The following SVEP1 variants were observed in gnomAD, a reference collection of about 807,000 sequenced individuals.
The protein encoded by SVEP1 is sushi, von Willebrand factor type A, EGF and pentraxin domain-containing protein 1.
SVEP1 carries 164 observed loss-of-function variants against 367.3 expected under a neutral mutation model. That is an observed-to-expected ratio of 0.45 (90% CI 0.39 to 0.51). The LOEUF (loss-of-function observed/expected upper bound fraction) is 0.51. Among genes scored for constraint, SVEP1 ranks in the 20% least tolerant of loss-of-function variants. The pLI is 0.00. For synonymous variants in SVEP1, 1,666 were observed against 1,611.6 expected (o/e 1.03, Z -0.81); for missense variants, 4,117 against 4,425.3 (o/e 0.93, Z 1.98).
intron 40 of SVEP1, among the ~76,000 whole-genome samples, chr9:110,393,037 TA>T: frequency 6.6e-6 from 1 of 152,204 alleles, no homozygotes; most frequent in Non-Finnish European, 1.5e-5. Flanking sequence ...ACATGTATAA[TA>T]GCTTGGAGTG....
intron 43 of SVEP1, among the ~76,000 whole-genome samples, chr9:110,381,488 C>G (rs367893282): frequency 1.2e-4 from 18 of 152,114 alleles, no homozygotes; most frequent in African/African-American, 4.1e-4. Context: ...TCAATTTCCA[C>G]GTAGTTGTGT....
rs140625677 is a variant in SVEP1, at chr9:110,370,220, G to A, written c.10601-204C>T. Among the ~76,000 whole-genome samples the A allele has an allele frequency of 3.9e-3, 587 of 151,904 alleles. 6 individuals carry two copies. Among genetic ancestry groups the A allele is most frequent in the African/African-American group, 0.013 (541 of 41,414 alleles). On this transcript the variant is annotated intron_variant, in intron 46 of 47. Coordinates refer to ENST00000374469, the MANE Select transcript of SVEP1 (RefSeq NM_153366.4). ...CACCTCCCTTTTTCCTTCCAAGCTG[G>A]TCAATTTTCACATTTAAGTCCCAGA...
At chr9:110,504,180 G>A (rs377711387) in intron 5 of SVEP1, among the ~76,000 whole-genome samples, 4 of 151,138 alleles carry the variant, frequency 2.6e-5, no homozygotes, top group Admixed American at 1.3e-4. Flanking sequence ...TCAGCCTCCC[G>A]AGTAGCTGGG....
chr9:110,509,776 A>C (rs916910974), intron 5 of SVEP1, among the ~76,000 whole-genome samples: 1 of 152,216 alleles, frequency 6.6e-6, no homozygotes, highest in African/African-American at 2.4e-5. Flanking sequence ...GTATTTGTTA[A>C]CTTCAAGTTT....
chr9:110,433,114 G>A (rs957551506), intron 30 of SVEP1, among the ~76,000 whole-genome samples: 1 of 152,264 alleles, frequency 6.6e-6, no homozygotes, highest in Admixed American at 6.5e-5. Flanking sequence ...CTTCTGCCAT[G>A]AGTAAAATCT....
chr9:110,457,723 A>T (rs538497922), intron 20 of SVEP1, among the ~76,000 whole-genome samples: 6 of 152,330 alleles, frequency 3.9e-5, no homozygotes, highest in African/African-American at 7.2e-5. Flanking sequence ...CAGGATTCTA[A>T]TACACCTCCA....
chr9:110,443,313 A>G (rs1588055647), intron 27 of SVEP1: 1 of 405,414 alleles, frequency 2.5e-6, no homozygotes, highest in Non-Finnish European at 4.3e-6. Context: ...GCTTCTTGGT[A>G]GTCTTAATGT....
At chr9:110,399,671 C>T (rs972293489) in intron 40 of SVEP1, among the ~76,000 whole-genome samples, 1 of 151,908 alleles carries the variant, frequency 6.6e-6, no homozygotes, top group Admixed American at 6.6e-5. Flanking sequence ...GTCGCTGGGA[C>T]TACAGGCACA....
chr9:110,418,794 A>G (rs1828151312), intron 36 of SVEP1, among the ~76,000 whole-genome samples: 1 of 104,240 alleles, frequency 9.6e-6, no homozygotes, highest in Non-Finnish European at 2.1e-5. Flanking sequence ...AAGCCAGAAG[A>G]GAGTGGGGGC....
At chr9:110,565,280 A>T (rs2118875348) in intron 1 of SVEP1, among the ~76,000 whole-genome samples, 1 of 152,354 alleles carries the variant, frequency 6.6e-6, no homozygotes, top group South Asian at 2.1e-4. Context: ...TTCTGCATAT[A>T]CATTTACAAA....
chr9:110,434,492 C>G lies in SVEP1; in HGVS notation c.4903G>C (p.Gly1635Arg), dbSNP rs776603872. 3.7e-6 allele frequency: 6 copies of G among 1,612,880 alleles called. No homozygotes were observed. Among genetic ancestry groups the G allele is most frequent in the Admixed American group, 1.7e-5 (1 of 59,894 alleles). The change falls in exon 30 of 48, where the codon GGA becomes CGA. Residue 1635 changes from glycine to arginine, a missense_variant. Around this residue, in one of 4 missense-constraint regions of SVEP1, gnomAD observed 2,174 missense variants for 2,494.3 expected, o/e 0.87. Coordinates refer to ENST00000374469, the MANE Select transcript of SVEP1 (RefSeq NM_153366.4). ...SIFCSDCPRL[G>R]GSVPHLRTAS... ...GTTCTCAGATGAGGCACTGACCCTC[C>G]TAAGCGTGGGCAATCTGAGGGCAAA...
intron 36 of SVEP1, among the ~76,000 whole-genome samples, chr9:110,423,168 T>TAAAAAAAAAAAAAAAAAAAA: frequency 8.7e-5 from 9 of 103,644 alleles, no homozygotes; most frequent in Admixed American, 2.0e-4. Flanking sequence ...AAAAATAAAG[T>TAAAAAAAAAAAAAAAAAAAA]AAAAAAAAAA....
chr9:110,440,255 T>C (rs1828493331), intron 27 of SVEP1, among the ~76,000 whole-genome samples: 1 of 152,228 alleles, frequency 6.6e-6, no homozygotes, highest in East Asian at 1.9e-4. Context: ...CTTCCTTTTC[T>C]TCTCTTCTAT....
rs200297241 is a variant in SVEP1 at position 110,404,552 on chromosome 9, T to A, written c.9441A>T (p.Arg3147Ser). Reference protein sequence around the residue: ...AHTYESEVKLRCLEGYTMDTD... With the variant: ...AHTYESEVKLSCLEGYTMDTD... Reference sequence around the variant, plus strand: ...TATCCATCGTATAACCTTCCAGACATCTGCAATGGAAATGCAAAAATGAGT... The same window carrying A: ...TATCCATCGTATAACCTTCCAGACAACTGCAATGGAAATGCAAAAATGAGT... The change falls in exon 39 of 48, where the codon AGA (arginine) becomes AGT (serine). Residue 3147 changes from arginine to serine, a missense_variant and splice_region_variant. Arg to Ser is a moderately radical substitution (Grantham distance 110). Coordinates refer to ENST00000374469, the MANE Select transcript of SVEP1 (RefSeq NM_153366.4). 80 of 1,613,792 alleles carry A rather than the reference T, an allele frequency of 5.0e-5. No homozygotes were observed. The East Asian group carries it at 7.6e-4, about 15-fold the overall frequency.
chr9:110,458,023 T>C (rs1828803592), intron 20 of SVEP1: 4 of 416,968 alleles, frequency 9.6e-6, no homozygotes, highest in Non-Finnish European at 1.9e-5. Flanking sequence ...TTAATTTATG[T>C]TTCTTAATTT....
At position 110,434,358 on chromosome 9, in the gene SVEP1, T is replaced by A. The variant is rs187253102; in HGVS notation, c.5037A>T (p.Thr1679=). The change falls in exon 30 of 48, where the codon ACA becomes ACT. Residue 1679 remains threonine (T), a synonymous_variant. Transcript: ENST00000374469. ...CACGTTCACAGTGAGGAAGTGGTTG[T>A]GTCCACTGTCCTTGATTCAGACAGT... is the stretch of plus-strand genomic sequence containing the variant. ...VQYCLNQGQW[T]QPLPHCERIS... 4 of 1,609,744 alleles carry A rather than the reference T, an allele frequency of 2.5e-6. No individual in the cohort carries two copies. In the African/African-American group the frequency reaches 4.0e-5, roughly 16 times the overall value.
intron 44 of SVEP1, among the ~76,000 whole-genome samples, chr9:110,377,897 C>G (rs1362552456): frequency 6.7e-6 from 1 of 148,378 alleles, no homozygotes; most frequent in Non-Finnish European, 1.5e-5. Flanking sequence ...CTCCTGGGAA[C>G]CACCATCTAC....
rs75126632 is a variant in SVEP1 at position 110,474,417 on chromosome 9, G to A, written c.2599+1787C>T. 3.0e-3 allele frequency among the ~76,000 whole-genome samples: 462 copies of A among 152,154 alleles called. 1 individual carries two copies. Among genetic ancestry groups the A allele is most frequent in the African/African-American group, 7.8e-3 (324 of 41,510 alleles). On this transcript the variant is annotated intron_variant, in intron 14 of 47. Transcript: ENST00000374469. ...AAGGCATGGTTATAAATGTTACACC[G>A]ATCTTGTGACTTTCTACTGGGAATA...
At chr9:110,539,379 T>A (rs1475588779) in intron 3 of SVEP1, among the ~76,000 whole-genome samples, 3 of 152,130 alleles carry the variant, frequency 2.0e-5, no homozygotes, top group Non-Finnish European at 4.4e-5. Flanking sequence ...GCTAAGCCTT[T>A]ATACCATGTG....
Sources: gnomAD v4.1 joint callset for allele counts (sites outside exome capture counted in the v4.1 genomes callset) on GRCh38, gnomAD v4.1.1 for gene constraint, gnomAD v4.1.1 regional missense constraint, MANE v1.5 for transcripts, NCBI Gene and HGNC (gene_info 2026-07-23, HGNC 2026-07-21) for gene names.